The following ZXDC variants were observed in gnomAD, a reference collection of about 807,000 sequenced individuals.
ZXDC encodes zinc finger protein ZXDC.
A neutral mutation model predicts 63.6 loss-of-function variants in ZXDC; 58 were observed. That is an observed-to-expected ratio of 0.91 (90% CI 0.74 to 1.13). The LOEUF (loss-of-function observed/expected upper bound fraction) is 1.13. Ranked by LOEUF, ZXDC falls within the 50% of genes most tolerant of loss-of-function variation. ZXDC has a pLI of 0.00. For missense variants in ZXDC, 1,133 were observed against 1,148.9 expected (o/e 0.99, Z 0.20); for synonymous variants, 561 against 496.1 (o/e 1.13, Z -1.74).
intron 4 of ZXDC, among the ~76,000 whole-genome samples, chr3:126,467,488 G>A (rs1453697034): frequency 1.3e-5 from 2 of 152,294 alleles, no homozygotes; most frequent in South Asian, 2.1e-4. Context: ...TTCTTAAGAC[G>A]GTGGGGTGGT....
chr3:126,438,221 A>T lies in ZXDC; in HGVS notation c.*154T>A. 1 of 685,328 alleles carries T rather than the reference A, an allele frequency of 1.5e-6. No individual in the cohort carries two copies. The highest frequency in any genetic ancestry group is 2.6e-6 in the Non-Finnish European group (1 of 389,512). The allele number at this position is 685,328 out of a possible 1,614,324, so 42.5% of individuals were successfully genotyped here. ...ACTCATTCCTGGTAAAACAAAAGGA[A>T]AACATTTTTGATAAATGTACCCAAA... On this transcript the variant is annotated 3_prime_UTR_variant, in exon 10 of 10. Transcript: ENST00000389709.
At chr3:126,450,777 AT>A (rs1934070146) in intron 7 of ZXDC, 1 of 350,542 alleles carries the variant, frequency 2.9e-6, no homozygotes, top group South Asian at 2.1e-5. Context: ...CACTGACTTA[AT>A]TTCAAGGCTC....
chr3:126,472,200 T>C lies in ZXDC; in HGVS notation c.1013A>G (p.Gln338Arg), dbSNP rs746563409. 1.7e-5 allele frequency: 28 copies of C among 1,613,240 alleles called. No homozygotes were observed. Among genetic ancestry groups the C allele is most frequent in the Non-Finnish European group, 2.4e-5 (28 of 1,179,278 alleles). Residue 338 changes from glutamine (Q) to arginine (R), a missense_variant, in exon 2 of 10, where the codon CAG becomes CGG. Physicochemically the swap from Gln to Arg is conservative, Grantham distance 43. Transcript: ENST00000389709. ...FSCSFPGCSK[Q>R]YDKACRLKIH... The stretch of plus-strand genomic sequence containing the variant: ...TTTCAGCCGACAGGCTTTATCATAC[T>C]GCTTGCTGCACCCAGGAAAGGAGCA...
chr3:126,442,666 G>A (rs1933727147), intron 7 of ZXDC: 1 of 152,102 alleles, frequency 6.6e-6, no homozygotes, highest in Admixed American at 6.5e-5. Flanking sequence ...AACCTCGGAA[G>A]GTTTTGGAGA....
At chr3:126,456,804 T>C (rs976673425) in intron 7 of ZXDC, among the ~76,000 whole-genome samples, 7 of 152,168 alleles carry the variant, frequency 4.6e-5, no homozygotes, top group African/African-American at 1.7e-4. Context: ...AAGCATCTAC[T>C]GCAAGATAGT....
rs996362039 is a variant in ZXDC, at chr3:126,459,931, A to G, written c.2128-194T>C. 4 of 985,378 alleles carry G rather than the reference A, an allele frequency of 4.1e-6. No individual in the cohort carries two copies. In the African/African-American group the frequency reaches 5.2e-5, roughly 13 times the overall value. The allele number at this position is 985,378 out of a possible 1,614,324, so 61.0% of individuals were successfully genotyped here. A position where few individuals can be genotyped will look rare whatever the true frequency, so the allele number is the denominator to read the frequency against. On this transcript the variant is annotated intron_variant, in intron 6 of 9. Coordinates refer to ENST00000389709, the MANE Select transcript of ZXDC (RefSeq NM_025112.5). Reference sequence around the variant, plus strand: ...GGCCGAACAAACTTGGAGCTGGAACAATGTATGTGACTTTCTTATCCAGAG... The same window carrying G: ...GGCCGAACAAACTTGGAGCTGGAACGATGTATGTGACTTTCTTATCCAGAG...
chr3:126,453,328 C>T (rs1301267227), intron 7 of ZXDC: 1 of 985,242 alleles, frequency 1.0e-6, no homozygotes, highest in Non-Finnish European at 1.2e-6. Flanking sequence ...GGGGCCATAT[C>T]CCCTTAAGGA....
intron 7 of ZXDC, among the ~76,000 whole-genome samples, chr3:126,457,060 G>C (rs942435040): frequency 6.6e-6 from 1 of 152,224 alleles, no homozygotes; most frequent in African/African-American, 2.4e-5. Flanking sequence ...ATCATGACAA[G>C]GGAGGGCCAA....
chr3:126,454,077 G>A (rs1378937074), intron 7 of ZXDC: 1 of 852,922 alleles, frequency 1.2e-6, no homozygotes, highest in African/African-American at 1.9e-5. Flanking sequence ...TTTTTTTTTG[G>A]TAAAGACTTT....
intron 7 of ZXDC, chr3:126,451,242 T>A: frequency 1.0e-6 from 1 of 985,434 alleles, no homozygotes; most frequent in Non-Finnish European, 1.2e-6. Context: ...ACTTCATGCA[T>A]GCATATGTGT....
intron 4 of ZXDC, among the ~76,000 whole-genome samples, chr3:126,469,640 G>A (rs1053012878): frequency 6.6e-6 from 1 of 152,072 alleles, no homozygotes; most frequent in African/African-American, 2.4e-5. Context: ...ACTCAAGCCT[G>A]CCACTCCTGG....
At chr3:126,451,772 G>C in intron 7 of ZXDC, 1 of 985,390 alleles carries the variant, frequency 1.0e-6, no homozygotes, top group Non-Finnish European at 1.2e-6. Flanking sequence ...AAAGCTCTCT[G>C]TGCGGACGTG....
intron 9 of ZXDC, 54 bp from the exon 10 acceptor site, chr3:126,438,515 T>TC: frequency 6.6e-7 from 1 of 1,509,718 alleles, no homozygotes; most frequent in Non-Finnish European, 9.1e-7. Context: ...GGCAGAGGGA[T>TC]CCTGTGGCTC....
chr3:126,452,168 C>T, intron 7 of ZXDC: 1 of 985,420 alleles, frequency 1.0e-6, no homozygotes, highest in Non-Finnish European at 1.2e-6. Context: ...GCCACGCAGC[C>T]CCAGCACCAG....
At position 126,475,748 on chromosome 3, in the gene ZXDC, G is replaced by A; in HGVS notation, c.118C>T (p.Leu40=). The change falls in exon 1 of 10, where the codon CTG becomes TTG. Residue 40 remains leucine (L), a synonymous_variant. Coordinates refer to ENST00000389709, the MANE Select transcript of ZXDC (RefSeq NM_025112.5). The part of the protein sequence containing the change: ...PLGASPARRR[L]LLVRGPEDGG... ...TCTTCAGGGCCCCGCACCAGTAGCA[G>A]GCGGCGGCGCGCGGGGCTCGCGCCG... The A allele has an allele frequency of 8.6e-7, 1 of 1,167,316 alleles. No individual in the cohort carries two copies. Among genetic ancestry groups the A allele is most frequent in the Non-Finnish European group, 1.1e-6 (1 of 948,372 alleles). The allele number at this position is 1,167,316 out of a possible 1,614,324, so 72.3% of individuals were successfully genotyped here. A position where few individuals can be genotyped will look rare whatever the true frequency, so the allele number is the denominator to read the frequency against.
At chr3:126,454,361 G>C in intron 7 of ZXDC, 1 of 985,266 alleles carries the variant, frequency 1.0e-6, no homozygotes, top group Non-Finnish European at 1.2e-6. Context: ...AGGTCTTATA[G>C]TTCTGTTGTA....
Position 126,439,626 on chromosome 3 carries a change from C to T in ZXDC, c.2490+6G>A, listed in dbSNP as rs377428307. ...AGAAAAACAAAGGGCAGTAAGGCAT[C>T]CAGACCTGGAGGACGTAGACGGGCA... On this transcript the variant is annotated splice_donor_region_variant and intron_variant, in intron 9 of 9. Transcript: ENST00000389709. 3.2e-6 allele frequency: 5 copies of T among 1,552,346 alleles called. No individual in the cohort carries two copies. The highest frequency in any genetic ancestry group is 2.7e-5 in the African/African-American group (2 of 73,104).
At chr3:126,468,858 C>T (rs4679247) in intron 4 of ZXDC, among the ~76,000 whole-genome samples, 7,585 of 152,190 alleles carry the variant, frequency 0.05, 196 homozygotes, top group African/African-American at 0.067. Flanking sequence ...CACCTCAGCA[C>T]CACCCCCACT....
Position 126,439,314 on chromosome 3 carries a change from G to A in ZXDC, c.2490+318C>T, listed in dbSNP as rs116344261. On this transcript the variant is annotated intron_variant, in intron 9 of 9. Coordinates refer to ENST00000389709, the MANE Select transcript of ZXDC (RefSeq NM_025112.5). ...CGTAAGCAAACTACTGAATTCATCC[G>A]AGTCTATTCTCCCACAGGCTGGGCC... is the stretch of plus-strand genomic sequence containing the variant. 3.5e-3 allele frequency among the ~76,000 whole-genome samples: 535 copies of A among 152,328 alleles called. 5 individuals are homozygous for A. Among genetic ancestry groups the A allele is most frequent in the African/African-American group, 0.012 (506 of 41,570 alleles).
Sources: gnomAD v4.1 joint callset for allele counts (sites outside exome capture counted in the v4.1 genomes callset) on GRCh38, gnomAD v4.1.1 for gene constraint, MANE v1.5 for transcripts, NCBI Gene and HGNC (gene_info 2026-07-23, HGNC 2026-07-21) for gene names.